Variants in ECE1 observed in about 807,000 individuals in gnomAD.
ECE1 encodes endothelin-converting enzyme 1.
Under a neutral mutation model 98.6 loss-of-function variants are expected in ECE1, and 35 were observed. The observed-to-expected ratio is 0.35, with a 90% CI of 0.27 to 0.47. The LOEUF is 0.47. Ranked by LOEUF, ECE1 falls within the 20% of genes least tolerant of loss-of-function variation. ECE1 has a pLI of 1.00. For synonymous variants in ECE1, 394 were observed against 407.1 expected (o/e 0.97, Z 0.39); for missense variants, 814 against 1,025.3 (o/e 0.79, Z 2.81).
rs1335658413 is a variant in ECE1, at chr1:21,225,279, C to T, written c.2011G>A (p.Asp671Asn). The change falls in exon 17 of 19, where the codon GAC (aspartate) becomes AAC (asparagine). Residue 671 changes from aspartate to asparagine, a missense_variant. Asp to Asn is a conservative substitution (Grantham distance 23, BLOSUM62 1). Coordinates refer to ENST00000374893, the MANE Select transcript of ECE1 (RefSeq NM_001397.3). This position sits in a 1 kb window ranked among gnomAD's most constrained non-coding sequence, Gnocchi z 5.3. ...GRHTLGENIADNGGLKAAYRA... is the reference protein window; with the variant it reads ...GRHTLGENIANNGGLKAAYRA... ...TAGGCCGCCTTGAGACCCCCGTTGT[C>T]GGCGATGTTCTCCCCCAGGGTGTGC... is the stretch of plus-strand genomic sequence containing the variant. 7 of 1,614,054 alleles carry T rather than the reference C, an allele frequency of 4.3e-6. No individual in the cohort carries two copies. Among genetic ancestry groups the T allele is most frequent in the Admixed American group, 3.3e-5 (2 of 60,004 alleles).
Position 21,272,910 on chromosome 1 carries a change from T to C in ECE1, c.282A>G (p.Arg94=), listed in dbSNP as rs140520259. 6.2e-7 allele frequency: 1 copy of C among 1,613,994 alleles called. No homozygotes were observed. Among genetic ancestry groups the C allele is most frequent in the South Asian group, 1.1e-5 (1 of 91,074 alleles). ...CTTCGCTCAGGCACACAGAGGGGGA[T>C]CCTGGAAGGGTTAAGGACAAGAGGC... The part of the protein sequence containing the change: ...LAALGIQYQT[R]SPSVCLSEAC... Residue 94 remains arginine, a splice_region_variant and synonymous_variant, in exon 4 of 19, where the codon AGA becomes AGG. Coordinates refer to ENST00000374893, the MANE Select transcript of ECE1 (RefSeq NM_001397.3).
chr1:21,325,314 G>C (rs1437682678), intron 1 of ECE1, among the ~76,000 whole-genome samples: 1 of 152,168 alleles, frequency 6.6e-6, no homozygotes, highest in Non-Finnish European at 1.5e-5. Context: ...CCAGCGTCTC[G>C]AGCGGTTCCC....
intron 1 of ECE1, among the ~76,000 whole-genome samples, chr1:21,313,921 G>T (rs1241200392): frequency 6.6e-6 from 1 of 152,184 alleles, no homozygotes; most frequent in East Asian, 1.9e-4. Context: ...CAGCTGGAAT[G>T]ACCCTGGGTT....
At chr1:21,279,685 G>T in intron 2 of ECE1, 3 of 1,395,858 alleles carry the variant, frequency 2.1e-6, no homozygotes, top group Non-Finnish European at 2.8e-6. Flanking sequence ...GGCATCCAGT[G>T]AGTACCCAGC....
chr1:21,272,871 C>T lies in ECE1; in HGVS notation c.321G>A (p.Val107=), dbSNP rs763873947. 8.7e-6 allele frequency: 14 copies of T among 1,614,194 alleles called. No homozygotes were observed. The highest frequency in any genetic ancestry group is 1.6e-4 in the Middle Eastern group (1 of 6,062). The change falls in exon 4 of 19, where the codon GTG becomes GTA. Residue 107 remains valine, a synonymous_variant. Coordinates refer to ENST00000374893, the MANE Select transcript of ECE1 (RefSeq NM_001397.3). ...SVCLSEACVS[V]TSSILSSMDP... is the part of the protein sequence containing the mutation. ...CCATGGAGCTCAAGATGGAGCTGGT[C>T]ACTGAGACACAAGCTTCGCTCAGGC...
intron 1 of ECE1, among the ~76,000 whole-genome samples, chr1:21,330,521 G>A (rs1006674148): frequency 3.9e-5 from 6 of 151,924 alleles, no homozygotes; most frequent in Non-Finnish European, 7.4e-5. Flanking sequence ...GTGAGCTACC[G>A]CCCCTAGCTG....
At position 21,233,486 on chromosome 1, in the gene ECE1, G is replaced by T; in HGVS notation, c.1670+72C>A. 7.1e-7 allele frequency: 1 copy of T among 1,405,924 alleles called. No homozygotes were observed. Among genetic ancestry groups the T allele is most frequent in the Non-Finnish European group, 1.0e-6 (1 of 997,524 alleles). The allele number at this position is 1,405,924 out of a possible 1,614,324, so 87.1% of individuals were successfully genotyped here. A position where few individuals can be genotyped will look rare whatever the true frequency, so the allele number is the denominator to read the frequency against. The stretch of plus-strand genomic sequence containing the variant: ...GGGTGCACAGTGAGGGTGCAATGAA[G>T]GCCAGTTCGTCCCAAGGCTTGCCCA... On this transcript the variant is annotated intron_variant, in intron 14 of 18. Transcript: ENST00000374893. The surrounding 1 kb of genome is among the most constrained non-coding windows in gnomAD (Gnocchi z 4.0).
chr1:21,226,285 G>A lies in ECE1; in HGVS notation c.1850-845C>T, dbSNP rs144582446. ...TAAACCTAATAGGAACCCCAAGAGC[G>A]GGACAACTTCCACGAGCAGGGCACC... is the stretch of plus-strand genomic sequence containing the variant. On this transcript the variant is annotated intron_variant, in intron 16 of 18. Transcript: ENST00000374893. 5.1e-3 allele frequency among the ~76,000 whole-genome samples: 780 copies of A among 152,246 alleles called. 6 individuals are homozygous for A. Among genetic ancestry groups the A allele is most frequent in the African/African-American group, 0.018 (740 of 41,564 alleles).
chr1:21,290,937 A>G (rs942241807), upstream of ECE1, among the ~76,000 whole-genome samples: 1 of 152,080 alleles, frequency 6.6e-6, no homozygotes, highest in African/African-American at 2.4e-5. The surrounding 1 kb of genome is among the most constrained non-coding windows in gnomAD (Gnocchi z 7.3). Flanking sequence ...AATTTCAGAG[A>G]ACTCCCTGAC....
chr1:21,257,606 G>A lies in ECE1; in HGVS notation c.763-16C>T. 1 of 1,614,162 alleles carries A rather than the reference G, an allele frequency of 6.2e-7. No individual in the cohort carries two copies. Among genetic ancestry groups the A allele is most frequent in the African/African-American group, 1.3e-5 (1 of 75,070 alleles). ...ACTGGTCCACCTGGCAAGAGAAGCA[G>A]GCATGAGAGGGAATTCGTGTTGCAA... On this transcript the variant is annotated splice_polypyrimidine_tract_variant and intron_variant, in intron 6 of 18. Coordinates refer to ENST00000374893, the MANE Select transcript of ECE1 (RefSeq NM_001397.3).
Position 21,260,145 on chromosome 1 carries a change from T to C in ECE1, c.615+126A>G. On this transcript the variant is annotated intron_variant, in intron 5 of 18. Coordinates refer to ENST00000374893, the MANE Select transcript of ECE1 (RefSeq NM_001397.3). The surrounding 1 kb of genome is among the most constrained non-coding windows in gnomAD (Gnocchi z 4.3). ...CACACTCGCTCTCTCTCTTTCTGTCTTTCTCTTGGTGCTACCGGCTGGACG... is the reference window on the plus strand; with the variant it reads ...CACACTCGCTCTCTCTCTTTCTGTCCTTCTCTTGGTGCTACCGGCTGGACG... 1.4e-6 allele frequency: 2 copies of C among 1,417,112 alleles called. No individual in the cohort carries two copies. The highest frequency in any genetic ancestry group is 4.6e-5 in the East Asian group (2 of 43,846). The allele number at this position is 1,417,112 out of a possible 1,614,324, so 87.8% of individuals were successfully genotyped here.
At chr1:21,242,299 G>T (rs1318533655) in intron 10 of ECE1, among the ~76,000 whole-genome samples, 1 of 152,124 alleles carries the variant, frequency 6.6e-6, no homozygotes, top group Non-Finnish European at 1.5e-5. Flanking sequence ...CTCACAGCAG[G>T]CTCCCTCCCT....
intron 1 of ECE1, among the ~76,000 whole-genome samples, chr1:21,331,382 G>A (rs555650010): frequency 2.0e-5 from 3 of 152,068 alleles, no homozygotes; most frequent in Non-Finnish European, 2.9e-5. Context: ...CCAGACTGGC[G>A]ACAGAGTGAG....
chr1:21,327,351 C>T lies in ECE1; in HGVS notation c.3+18025G>A, dbSNP rs538440455. Among the ~76,000 whole-genome samples the T allele has an allele frequency of 3.9e-5, 6 of 152,254 alleles. No individual in the cohort carries two copies. The highest frequency in any genetic ancestry group is 2.1e-4 in the South Asian group (1 of 4,826). ...GGCTCTGTTTTCTCATTTGTCAAAG[C>T]GACGGGCTGATCCCCTGCCCCACTC... On this transcript the variant is annotated intron_variant, in intron 1 of 18. Transcript: ENST00000415912. This position sits in a 1 kb window ranked among gnomAD's most constrained non-coding sequence, Gnocchi z 4.6.
intron 1 of ECE1, among the ~76,000 whole-genome samples, chr1:21,330,443 C>A (rs1179860090): frequency 6.6e-6 from 1 of 151,874 alleles, no homozygotes; most frequent in Non-Finnish European, 1.5e-5. Context: ...GTTGCCCAGA[C>A]TGGTCTCGAA....
At chr1:21,326,438 G>T (rs571481479) in intron 1 of ECE1, among the ~76,000 whole-genome samples, 44 of 152,216 alleles carry the variant, frequency 2.9e-4, no homozygotes, top group Non-Finnish European at 5.3e-4. Flanking sequence ...ATCAGACCCA[G>T]GTCCAGGGTC....
chr1:21,269,008 C>T (rs2098237234), intron 4 of ECE1, among the ~76,000 whole-genome samples: 1 of 152,230 alleles, frequency 6.6e-6, no homozygotes, highest in South Asian at 2.1e-4. Flanking sequence ...GACCCCAGCT[C>T]CTGTGTTCAC....
intron 4 of ECE1, among the ~76,000 whole-genome samples, chr1:21,265,050 A>C (rs998416117): frequency 6.6e-6 from 1 of 152,166 alleles, no homozygotes; most frequent in African/African-American, 2.4e-5. Flanking sequence ...TCATGTATTT[A>C]GTCATTTATT....
At chr1:21,240,803 G>A (rs986822434) in intron 10 of ECE1, among the ~76,000 whole-genome samples, 7 of 152,348 alleles carry the variant, frequency 4.6e-5, no homozygotes, top group East Asian at 1.9e-4. Flanking sequence ...TTGAAGCTCC[G>A]TGGAGGCTCC....
Sources: gnomAD v4.1 joint callset for allele counts (sites outside exome capture counted in the v4.1 genomes callset) on GRCh38, gnomAD v4.1.1 for gene constraint, Gnocchi (gnomAD v3.1) non-coding constraint, MANE v1.5 for transcripts, NCBI Gene and HGNC (gene_info 2026-07-23, HGNC 2026-07-21) for gene names.